TPO: variants seen among roughly 807,000 people sequenced by gnomAD.
TPO encodes the protein thyroid microsomal antigen.
In TPO, 78 loss-of-function variants were observed where a neutral mutation model predicts 96.9. The ratio of observed to expected loss-of-function variants is 0.81; its 90% CI spans 0.67 to 0.97. The LOEUF (loss-of-function observed/expected upper bound fraction) is 0.97. TPO is among the 50% of genes least tolerant of loss of function. TPO has a pLI of 0.00. For missense variants in TPO, 1,252 were observed against 1,274.8 expected, an observed-to-expected ratio of 0.98 and a Z score of 0.27; for synonymous variants, 547 against 538.0, an observed-to-expected ratio of 1.02 and a Z score of -0.23.
intron 15 of TPO, among the ~76,000 whole-genome samples, chr2:1,525,316 G>A (rs570040398): frequency 0.024 from 1,554 of 64,658 alleles, 37 homozygotes; most frequent in Non-Finnish European, 0.039. Flanking sequence ...CCCCCACTGT[G>A]TGCCTCCTCA....
intron 8 of TPO, among the ~76,000 whole-genome samples, chr2:1,482,969 C>A (rs1670787776): frequency 6.6e-6 from 1 of 152,226 alleles, no homozygotes; most frequent in Non-Finnish European, 1.5e-5. Context: ...GCGCAAGCCA[C>A]TGCGCCTGAC....
chr2:1,407,695 A>T (rs1351930221), intron 1 of TPO, among the ~76,000 whole-genome samples: 1 of 152,220 alleles, frequency 6.6e-6, no homozygotes, highest in Non-Finnish European at 1.5e-5. Flanking sequence ...AATAAACCAG[A>T]TGAGCACAAC....
chr2:1,497,942 G>A (rs1203504396), intron 13 of TPO, among the ~76,000 whole-genome samples: 2 of 147,160 alleles, frequency 1.4e-5, no homozygotes, highest in Admixed American at 1.4e-4. Context: ...AATCCTCTGA[G>A]GCCAGGAGTT....
At chr2:1,519,356 G>A (rs769838611) in intron 15 of TPO, among the ~76,000 whole-genome samples, 1 of 152,320 alleles carries the variant, frequency 6.6e-6, no homozygotes, top group South Asian at 2.1e-4. Flanking sequence ...GTCTGGTGCT[G>A]GAGGTCGTGC....
chr2:1,483,497 C>A (rs141009287), intron 8 of TPO, among the ~76,000 whole-genome samples: 1 of 152,212 alleles, frequency 6.6e-6, no homozygotes, highest in African/African-American at 2.4e-5. Context: ...GGGAAGCACA[C>A]GGACCTTCTC....
At chr2:1,530,105 A>G (rs1259382753) in intron 15 of TPO, among the ~76,000 whole-genome samples, 1 of 102,374 alleles carries the variant, frequency 9.8e-6, no homozygotes, top group African/African-American at 4.3e-5. Flanking sequence ...ACTGTTTGCA[A>G]CCTCCCAAAA....
chr2:1,495,899 C>A, intron 11 of TPO, 90 bp from the exon 12 acceptor site: 4 of 1,421,276 alleles, frequency 2.8e-6, no homozygotes, highest in Middle Eastern at 2.4e-4. Context: ...GAGAGGCTGG[C>A]AGCACACAGC....
chr2:1,517,524 T>C (rs949863765), intron 15 of TPO, among the ~76,000 whole-genome samples: 6 of 152,036 alleles, frequency 3.9e-5, no homozygotes, highest in African/African-American at 1.2e-4. Context: ...AGCTGGTCCA[T>C]GTCCCTAGCC....
intron 5 of TPO, among the ~76,000 whole-genome samples, chr2:1,447,970 C>T (rs1666971722): frequency 6.6e-6 from 1 of 152,190 alleles, no homozygotes; most frequent in Non-Finnish European, 1.5e-5. Flanking sequence ...ACCCAGCAGA[C>T]ATCAGAACAC....
intron 1 of TPO, among the ~76,000 whole-genome samples, chr2:1,393,916 A>G (rs778618498): frequency 8.5e-5 from 13 of 152,258 alleles, no homozygotes; most frequent in Non-Finnish European, 1.3e-4. Context: ...ATTTATTTCA[A>G]TATTTTAAGT....
chr2:1,516,224 T>A (rs1674687883), intron 14 of TPO, among the ~76,000 whole-genome samples: 1 of 152,166 alleles, frequency 6.6e-6, no homozygotes, highest in Admixed American at 6.5e-5. Flanking sequence ...GCCTCTCTCC[T>A]CTGTCCCATC....
intron 8 of TPO, among the ~76,000 whole-genome samples, chr2:1,480,762 A>C (rs1573365669): frequency 6.6e-6 from 1 of 150,936 alleles, no homozygotes; most frequent in Non-Finnish European, 1.5e-5. Flanking sequence ...CGTCCACACC[A>C]CCTCCCTCCT....
chr2:1,496,852 C>G, intron 13 of TPO, 87 bp downstream of exon 13: 3 of 1,588,314 alleles, frequency 1.9e-6, no homozygotes, highest in Non-Finnish European at 2.6e-6. Flanking sequence ...AATTTCTTCG[C>G]CAAAAGGTGC....
In TPO at chr2:1,390,959, A is replaced by T. The variant is rs533370498; in HGVS notation, n.180+16557A>T. ...TTTGTCAGATGGGTAGATGGCAAAA[A>T]TTTTCTCCCATTCTGTAGGTTGCCT... On this transcript the variant is annotated intron_variant and non_coding_transcript_variant, in intron 1 of 5. Transcript: ENST00000497517. 1.1e-4 allele frequency among the ~76,000 whole-genome samples: 17 copies of T among 152,120 alleles called. No individual in the cohort carries two copies. In the East Asian group the frequency reaches 1.9e-3, roughly 17 times the overall value.
At chr2:1,409,519 C>A (rs1318123352), upstream of TPO, among the ~76,000 whole-genome samples, 1 of 152,144 alleles carries the variant, frequency 6.6e-6, no homozygotes, top group East Asian at 1.9e-4. Flanking sequence ...CCCAAACCTC[C>A]TTCACCCACC....
intron 14 of TPO, chr2:1,512,470 C>T (rs1674254701): frequency 3.0e-6 from 3 of 985,348 alleles, no homozygotes; most frequent in South Asian, 4.7e-5. Flanking sequence ...CAGCTGTGCG[C>T]TCCGCGCTGC....
chr2:1,438,498 G>C (rs879521023), intron 5 of TPO, among the ~76,000 whole-genome samples: 40 of 152,078 alleles, frequency 2.6e-4, no homozygotes, highest in Non-Finnish European at 5.4e-4. Flanking sequence ...GCTGCCTTCT[G>C]TCTGTCAGCC....
intron 2 of TPO, among the ~76,000 whole-genome samples, chr2:1,418,194 C>T (rs13417585): frequency 0.017 from 2,499 of 150,232 alleles, 68 homozygotes; most frequent in African/African-American, 0.057. Context: ...GGCTGAGGCA[C>T]GAGAATCAGT....
rs1188817434 is a variant in TPO at position 1,536,747 on chromosome 2, CCTCCCCAAATCCCCATCACTCTGTGTAAT to C, written c.2619-3832_2619-3804del. The stretch of plus-strand genomic sequence containing the variant: ...CTCAAATCCCCACCACTCTGTGCAA[CCTCCCCAAATCCCCATCACTCTGTGTAAT>C]CTCCCCAAATCCCCCGCAATCTGTG... On this transcript the variant is annotated intron_variant, in intron 15 of 16. Coordinates refer to ENST00000329066, the MANE Select transcript of TPO (RefSeq NM_001206744.2). Among the ~76,000 whole-genome samples, 8 of 118,158 alleles carry C rather than the reference CCTCCCCAAATCCCCATCACTCTGTGTAAT, an allele frequency of 6.8e-5. No homozygotes were observed. The East Asian group carries it at 8.1e-4, about 12-fold the overall frequency. 77.5% of individuals were successfully genotyped at this position (118,158 alleles called of 152,430 possible). A position where few individuals can be genotyped will look rare whatever the true frequency, so the allele number is the denominator to read the frequency against.
Sources: gnomAD v4.1 joint callset for allele counts (sites outside exome capture counted in the v4.1 genomes callset) on GRCh38, gnomAD v4.1.1 for gene constraint, MANE v1.5 for transcripts, NCBI Gene and HGNC (gene_info 2026-07-23, HGNC 2026-07-21) for gene names.